Variants in BEND7 observed in about 807,000 individuals in gnomAD.
The protein encoded by BEND7 is BEN domain-containing protein 7.
In BEND7, 28 loss-of-function variants were observed where a neutral mutation model predicts 50.9. The ratio of observed to expected loss-of-function variants is 0.55; its 90% CI spans 0.41 to 0.75. The LOEUF (loss-of-function observed/expected upper bound fraction) is 0.75. BEND7 is among the 30% of genes least tolerant of loss of function. The probability of loss-of-function intolerance (pLI) is 0.00; values close to 1 mark genes in which losing one functional copy is unlikely to be tolerated. For synonymous variants in BEND7, 170 were observed against 183.9 expected (o/e 0.92, Z 0.61); for missense variants, 477 against 491.3 (o/e 0.97, Z 0.28).
At chr10:13,453,226 A>C (rs530144433) in intron 6 of BEND7, among the ~76,000 whole-genome samples, 1 of 151,952 alleles carries the variant, frequency 6.6e-6, no homozygotes, top group Non-Finnish European at 1.5e-5. Context: ...AAGGGGACTA[A>C]GGAGAACCCC....
chr10:13,499,524 C>T (rs1016035310), intron 3 of BEND7, among the ~76,000 whole-genome samples: 4 of 152,114 alleles, frequency 2.6e-5, no homozygotes, highest in Non-Finnish European at 5.9e-5. Flanking sequence ...TCGCTTTAAC[C>T]TCTTAAAGGG....
intron 8 of BEND7, chr10:13,446,616 T>C (rs1237459759): frequency 1.3e-5 from 2 of 152,816 alleles, no homozygotes; most frequent in Non-Finnish European, 2.9e-5. Flanking sequence ...GGCTCTCAGA[T>C]ATGAACCCAT....
At chr10:13,515,340 C>A (rs770562310) in intron 2 of BEND7, among the ~76,000 whole-genome samples, 17 of 152,186 alleles carry the variant, frequency 1.1e-4, no homozygotes, top group Non-Finnish European at 2.4e-4. Flanking sequence ...CATTTGGTTA[C>A]CAGATAGCAG....
At chr10:13,465,477 T>G (rs1232134021) in intron 6 of BEND7, among the ~76,000 whole-genome samples, 10 of 152,168 alleles carry the variant, frequency 6.6e-5, no homozygotes, top group African/African-American at 2.4e-4. Flanking sequence ...GTGAGGACCA[T>G]CTCATCTTCG....
chr10:13,461,521 T>C (rs745935499), intron 6 of BEND7, among the ~76,000 whole-genome samples: 3 of 152,192 alleles, frequency 2.0e-5, no homozygotes, highest in Non-Finnish European at 2.9e-5. Context: ...TCACTTTCAG[T>C]CAGGAGTTTG....
chr10:13,526,216 G>A lies in BEND7; in HGVS notation c.67C>T (p.His23Tyr). Residue 23 changes from histidine (H) to tyrosine (Y), a missense_variant, in exon 2 of 9, where the codon CAC becomes TAC. By Grantham distance (83) the His-to-Tyr change is moderately conservative. Around this residue, in one of 3 missense-constraint regions of BEND7, gnomAD observed 396 missense variants for 384.2 expected, o/e 1.03. Transcript: ENST00000466271. ...TCTGGGATCTTATACACCTCGTGGT[G>A]ATAATCTGGCATGAGAAAACAACCA... ...QSFKLVSRDY[H>Y]HEVYKIPEFS... The A allele has an allele frequency of 7.8e-7, 1 of 1,287,110 alleles. No individual in the cohort carries two copies. The highest frequency in any genetic ancestry group is 2.1e-4 in the Middle Eastern group (1 of 4,690). The allele number at this position is 1,287,110 out of a possible 1,614,324, so 79.7% of individuals were successfully genotyped here. A position where few individuals can be genotyped will look rare whatever the true frequency, so the allele number is the denominator to read the frequency against.
intron 4 of BEND7, among the ~76,000 whole-genome samples, chr10:13,496,268 G>C (rs377205549): frequency 1.3e-5 from 2 of 152,194 alleles, no homozygotes; most frequent in Non-Finnish European, 2.9e-5. Flanking sequence ...CTGCTCTTCC[G>C]TCCCTCAACT....
In BEND7 at chr10:13,508,541, T is replaced by C. The variant is rs183654913; in HGVS notation, c.146-8461A>G. Reference sequence around the variant, plus strand: ...ATTTAATTGGATGAATCAAATACCATGAAAAGGAGTATCTAGACACAAATA... The same window carrying C: ...ATTTAATTGGATGAATCAAATACCACGAAAAGGAGTATCTAGACACAAATA... On this transcript the variant is annotated intron_variant, in intron 2 of 8. Transcript: ENST00000466271. Among the ~76,000 whole-genome samples, 106 of 152,218 alleles carry C rather than the reference T, an allele frequency of 7.0e-4. 1 individual carries two copies. Among genetic ancestry groups the C allele is most frequent in the African/African-American group, 2.0e-3 (84 of 41,532 alleles).
At chr10:13,486,277 C>G (rs1588888983) in intron 5 of BEND7, among the ~76,000 whole-genome samples, 1 of 152,216 alleles carries the variant, frequency 6.6e-6, no homozygotes, top group African/African-American at 2.4e-5. Flanking sequence ...AATCCTCCTG[C>G]CTTGGCCTCC....
chr10:13,465,852 C>T (rs1032396724), intron 6 of BEND7, among the ~76,000 whole-genome samples: 3 of 149,332 alleles, frequency 2.0e-5, no homozygotes, highest in Non-Finnish European at 4.4e-5. Context: ...TGATTCTCAC[C>T]GATTTGAGGC....
Position 13,452,594 on chromosome 10 carries a change from T to C in BEND7, c.1128A>G (p.Val376=), listed in dbSNP as rs2277222. ...GTTTAATTTGATCCTGTAGAATCTGTACCCAATCTCTTGGGCCAGGAAGCT... is the reference window on the plus strand; with the variant it reads ...GTTTAATTTGATCCTGTAGAATCTGCACCCAATCTCTTGGGCCAGGAAGCT... ...VDKLPGPRDW[V]QILQDQIKLA... The change falls in exon 7 of 9, where the codon GTA becomes GTG. Residue 376 remains valine, a synonymous_variant. Transcript: ENST00000466271. 0.33 allele frequency: 534,027 copies of C among 1,612,254 alleles called. 94,947 individuals are homozygous for C. Among genetic ancestry groups the C allele is most frequent in the East Asian group, 0.68 (30,300 of 44,820 alleles).
At chr10:13,491,187 C>A (rs1321642234) in intron 5 of BEND7, among the ~76,000 whole-genome samples, 1 of 151,922 alleles carries the variant, frequency 6.6e-6, no homozygotes, top group East Asian at 1.9e-4. Flanking sequence ...GTGGCAAGTA[C>A]CTGCAGTCCC....
intron 6 of BEND7, among the ~76,000 whole-genome samples, chr10:13,469,678 T>C (rs1294993407): frequency 1.3e-5 from 2 of 152,178 alleles, no homozygotes; most frequent in Non-Finnish European, 2.9e-5. Context: ...AGTTTCACCA[T>C]GTTGGCCAGG....
chr10:13,529,501 G>C (rs965885369), upstream of BEND7, among the ~76,000 whole-genome samples: 2 of 152,126 alleles, frequency 1.3e-5, no homozygotes, highest in African/African-American at 2.4e-5. Flanking sequence ...ATAGTAGAGA[G>C]CTCCCATTCC....
intron 2 of BEND7, among the ~76,000 whole-genome samples, chr10:13,501,684 A>C (rs1249681099): frequency 6.6e-6 from 1 of 152,100 alleles, no homozygotes; most frequent in African/African-American, 2.4e-5. Context: ...CCGTCTCTAC[A>C]AAAAGTACAA....
intron 2 of BEND7, among the ~76,000 whole-genome samples, chr10:13,505,331 C>T (rs1176119784): frequency 6.6e-6 from 1 of 152,208 alleles, no homozygotes. Flanking sequence ...GCCACAGTAA[C>T]TCCCTCTCAG....
chr10:13,474,066 C>CCA, intron 6 of BEND7, among the ~76,000 whole-genome samples: 1 of 151,248 alleles, frequency 6.6e-6, no homozygotes, highest in Non-Finnish European at 1.5e-5. Context: ...GGGTCGATAC[C>CCA]CATCATCACT....
At chr10:13,465,165 G>A (rs755132614) in intron 6 of BEND7, among the ~76,000 whole-genome samples, 8 of 152,234 alleles carry the variant, frequency 5.3e-5, no homozygotes, top group South Asian at 2.1e-4. Context: ...TTTTTCTCTC[G>A]TCTGTTACTT....
intron 6 of BEND7, among the ~76,000 whole-genome samples, chr10:13,474,474 T>C (rs1392639656): frequency 3.3e-5 from 5 of 152,182 alleles, no homozygotes; most frequent in Admixed American, 2.6e-4. Context: ...ATACCCGTCA[T>C]CACTGTTACA....
Sources: allele counts gnomAD v4.1 joint callset (sites outside exome capture counted in the v4.1 genomes callset), GRCh38; gene constraint gnomAD v4.1.1; regional missense constraint gnomAD v4.1.1; transcripts MANE v1.5; gene names NCBI Gene and HGNC (gene_info 2026-07-23, HGNC 2026-07-21).